DYRK1A: variants seen among roughly 807,000 people sequenced by gnomAD.
DYRK1A encodes the protein dual specificity tyrosine-phosphorylation-regulated kinase 1A.
DYRK1A carries 9 observed loss-of-function variants against 79.7 expected under a neutral mutation model. That is an observed-to-expected ratio of 0.11 (90% CI 0.07 to 0.20). DYRK1A has a LOEUF of 0.20. Among genes scored for constraint, DYRK1A ranks in the 10% least tolerant of loss-of-function variants. The pLI is 1.00. For synonymous variants in DYRK1A, 349 were observed against 329.7 expected, an observed-to-expected ratio of 1.06 and a Z score of -0.63; for missense variants, 622 against 956.0, an observed-to-expected ratio of 0.65 and a Z score of 4.61.
intron 2 of DYRK1A, among the ~76,000 whole-genome samples, chr21:37,461,841 ATTT>A (rs1239476096): frequency 7.6e-6 from 1 of 131,604 alleles, no homozygotes; most frequent in African/African-American, 2.9e-5. Flanking sequence ...CCTCAGTGTG[ATTT>A]TTGTGTGACT....
intron 1 of DYRK1A, among the ~76,000 whole-genome samples, chr21:37,375,286 T>G (rs1258462064): frequency 6.6e-6 from 1 of 152,226 alleles, no homozygotes; most frequent in African/African-American, 2.4e-5. Flanking sequence ...TAAGGTTTTG[T>G]TAGTATCAGC....
At chr21:37,401,628 G>A (rs865814350) in intron 1 of DYRK1A, among the ~76,000 whole-genome samples, 1 of 151,670 alleles carries the variant, frequency 6.6e-6, no homozygotes, top group Non-Finnish European at 1.5e-5. Context: ...AATTACAGGC[G>A]TGCCCCACCA....
chr21:37,436,959 A>G (rs1047901732), intron 2 of DYRK1A, among the ~76,000 whole-genome samples: 1 of 152,118 alleles, frequency 6.6e-6, no homozygotes, highest in African/African-American at 2.4e-5. Context: ...AAATTTTTGG[A>G]TTGGGACTAG....
chr21:37,493,217 C>A, intron 8 of DYRK1A, 54 bp downstream of exon 8: 2 of 1,522,624 alleles, frequency 1.3e-6, no homozygotes, highest in African/African-American at 1.4e-5. Flanking sequence ...TTTTGTCTTT[C>A]ATCTGTGACA....
intron 2 of DYRK1A, among the ~76,000 whole-genome samples, chr21:37,469,994 A>C (rs2052167036): frequency 6.6e-6 from 1 of 152,048 alleles, no homozygotes; most frequent in Non-Finnish European, 1.5e-5. Context: ...AAATACAAAA[A>C]ATTAGCCAGC....
intron 2 of DYRK1A, among the ~76,000 whole-genome samples, chr21:37,435,395 A>G (rs2050895108): frequency 6.6e-6 from 1 of 152,158 alleles, no homozygotes; most frequent in South Asian, 2.1e-4. Context: ...CTGGTGAGAG[A>G]CATTGATAAA....
chr21:37,393,107 A>G (rs573863578), intron 1 of DYRK1A, among the ~76,000 whole-genome samples: 5 of 152,378 alleles, frequency 3.3e-5, no homozygotes, highest in South Asian at 2.1e-4. Context: ...TGGGGGACAC[A>G]TTCAGACCAT....
Position 37,506,100 on chromosome 21 carries a change from T to C in DYRK1A, c.1521T>C (p.Gly507=). Residue 507 remains glycine (G), a splice_region_variant and synonymous_variant, in exon 11 of 12, where the codon GGT becomes GGC. Coordinates refer to ENST00000647188, the MANE Select transcript of DYRK1A (RefSeq NM_001347721.2). The stretch of plus-strand genomic sequence containing the variant: ...TTGTTTTGTGTTGTGATATTTCAGG[T>C]GGCTCATCGGGGACAAGCAACAGTG... The part of the protein sequence containing the change: ...GTTSSTSSSS[G]GSSGTSNSGR... 6.2e-7 allele frequency: 1 copy of C among 1,608,792 alleles called. No individual in the cohort carries two copies. The highest frequency in any genetic ancestry group is 1.1e-5 in the South Asian group (1 of 91,006).
At position 37,522,478 on chromosome 21, in the gene DYRK1A, T is replaced by C. The variant is rs2053941510; in HGVS notation, c.*9947T>C. On this transcript the variant is annotated 3_prime_UTR_variant, in exon 12 of 12. Coordinates refer to ENST00000647188, the MANE Select transcript of DYRK1A (RefSeq NM_001347721.2). ...ACTTTCGAGATCACATACCAAGACCTTCAGCTGGATGGTCCCTGTAGCTGC... is the reference window on the plus strand; with the variant it reads ...ACTTTCGAGATCACATACCAAGACCCTCAGCTGGATGGTCCCTGTAGCTGC... 2.0e-5 allele frequency: 3 copies of C among 152,256 alleles called. No homozygotes were observed. The South Asian group carries it at 6.2e-4, about 32-fold the overall frequency. 9.4% of individuals were successfully genotyped at this position (152,256 alleles called of 1,614,324 possible).
chr21:37,457,248 C>T (rs769070584), intron 2 of DYRK1A, among the ~76,000 whole-genome samples: 1 of 151,648 alleles, frequency 6.6e-6, no homozygotes, highest in East Asian at 1.9e-4. Context: ...GTATCCCCCC[C>T]GCAAGACAGA....
intron 8 of DYRK1A, among the ~76,000 whole-genome samples, chr21:37,495,152 T>TTTTGTGTGTG (rs368928655): frequency 7.3e-6 from 1 of 137,648 alleles, no homozygotes; most frequent in African/African-American, 2.7e-5. Flanking sequence ...CTCTGGGATT[T>TTTTGTGTGTG]TGTGTGTGTG....
chr21:37,430,200 G>A (rs2050738774), intron 2 of DYRK1A: 2 of 740,276 alleles, frequency 2.7e-6, no homozygotes, highest in South Asian at 1.2e-4. Context: ...GTTACTTCCA[G>A]CTTGTATATA....
In DYRK1A at chr21:37,518,767, C is replaced by T. The variant is rs887623706; in HGVS notation, c.*6236C>T. The T allele has an allele frequency of 6.6e-6, 1 of 151,798 alleles. No individual in the cohort carries two copies. The highest frequency in any genetic ancestry group is 2.4e-5 in the African/African-American group (1 of 41,286). The allele number at this position is 151,798 out of a possible 1,614,324, so 9.4% of individuals were successfully genotyped here. A position where few individuals can be genotyped will look rare whatever the true frequency, so the allele number is the denominator to read the frequency against. On this transcript the variant is annotated 3_prime_UTR_variant, in exon 12 of 12. Coordinates refer to ENST00000647188, the MANE Select transcript of DYRK1A (RefSeq NM_001347721.2). ...AGTAGCTGGGATTACAGGTGCACAC[C>T]ACCACACCCAGCTAATAGTATTTTT... is the stretch of plus-strand genomic sequence containing the variant.
chr21:37,402,365 G>GT lies in DYRK1A; in HGVS notation c.-76-17928dup, dbSNP rs538666678. ...TCTGTATTCAGTCTTGAGTTTGAAG[G>GT]TTTTTTCACTGAATGTAGAATTCTA... On this transcript the variant is annotated intron_variant, in intron 1 of 11. Transcript: ENST00000647188. 4.8e-4 allele frequency among the ~76,000 whole-genome samples: 73 copies of GT among 152,184 alleles called. No individual in the cohort carries two copies. In the South Asian group the frequency reaches 8.3e-3, roughly 17 times the overall value.
At chr21:37,369,159 T>C (rs2049379825) in intron 1 of DYRK1A, among the ~76,000 whole-genome samples, 1 of 152,260 alleles carries the variant, frequency 6.6e-6, no homozygotes, top group Non-Finnish European at 1.5e-5. Context: ...GACCCTTTTA[T>C]AGTTTATGTG....
At chr21:37,490,516 G>T in intron 7 of DYRK1A, 55 bp downstream of exon 7, 1 of 1,532,854 alleles carries the variant, frequency 6.5e-7, no homozygotes, top group South Asian at 1.3e-5. Context: ...GAAGTAGGTA[G>T]GACAGTGTAG....
rs2053678197 is a variant in DYRK1A at position 37,509,021 on chromosome 21, T to G, written c.1644+2798T>G. ...CCTGGATTTCACAGAGGTCAAGATT[T>G]TGCTTCAAATCCTTTTTTGTTACTT... On this transcript the variant is annotated intron_variant, in intron 11 of 11. Coordinates refer to ENST00000647188, the MANE Select transcript of DYRK1A (RefSeq NM_001347721.2). 1.3e-5 allele frequency among the ~76,000 whole-genome samples: 2 copies of G among 152,230 alleles called. 1 individual carries two copies. Among genetic ancestry groups the G allele is most frequent in the South Asian group, 4.1e-4 (2 of 4,838 alleles).
intron 1 of DYRK1A, among the ~76,000 whole-genome samples, chr21:37,405,159 A>T (rs1290946517): frequency 6.6e-6 from 1 of 152,084 alleles, no homozygotes; most frequent in Non-Finnish European, 1.5e-5. Context: ...TTGGGTGAAG[A>T]TGAGGCCCAC....
rs1480940289 is a variant in DYRK1A, at chr21:37,517,406, A to G, written c.*4875A>G. On this transcript the variant is annotated 3_prime_UTR_variant, in exon 12 of 12. Coordinates refer to ENST00000647188, the MANE Select transcript of DYRK1A (RefSeq NM_001347721.2). ...GCTTAATGTTTCATCTGTCTGAAAG[A>G]CCAGCTATTTGATAATCTTCCCGAT... 6.6e-6 allele frequency: 1 copy of G among 152,210 alleles called. No homozygotes were observed. The highest frequency in any genetic ancestry group is 1.5e-5 in the Non-Finnish European group (1 of 68,028). The allele number at this position is 152,210 out of a possible 1,614,324, so 9.4% of individuals were successfully genotyped here.
Sources: gnomAD v4.1 joint callset for allele counts (sites outside exome capture counted in the v4.1 genomes callset) on GRCh38, gnomAD v4.1.1 for gene constraint, MANE v1.5 for transcripts, NCBI Gene and HGNC (gene_info 2026-07-23, HGNC 2026-07-21) for gene names.